AOX1: variants seen among roughly 807,000 people sequenced by gnomAD.
The protein encoded by AOX1 is aldehyde oxidase.
In AOX1, 153 loss-of-function variants were observed where a neutral mutation model predicts 169.5. The ratio of observed to expected loss-of-function variants is 0.90; its 90% CI spans 0.79 to 1.03. The LOEUF is 1.03. Among genes scored for constraint, AOX1 ranks in the 50% least tolerant of loss-of-function variants. The pLI is 0.00. For missense variants in AOX1, 1,656 were observed against 1,663.9 expected (o/e 1.00, Z 0.08); for synonymous variants, 562 against 581.9 (o/e 0.97, Z 0.49).
In AOX1 at chr2:200,603,202, C is replaced by T. The variant is rs950811268; in HGVS notation, c.499-65C>T. 23 of 1,305,660 alleles carry T rather than the reference C, an allele frequency of 1.8e-5. No individual in the cohort carries two copies. The South Asian group carries it at 2.6e-4, about 15-fold the overall frequency. 80.9% of individuals were successfully genotyped at this position (1,305,660 alleles called of 1,614,324 possible). ...GCATTATGTTTCAACTGGCATTCAC[C>T]TGCTTTATTTACTAGTTAGTAGAAT... is the stretch of plus-strand genomic sequence containing the variant. On this transcript the variant is annotated intron_variant, in intron 6 of 34. Coordinates refer to ENST00000374700, the MANE Select transcript of AOX1 (RefSeq NM_001159.4).
intron 22 of AOX1, 123 bp downstream of exon 22, chr2:200,637,167 A>G: frequency 8.3e-7 from 1 of 1,205,894 alleles, no homozygotes; most frequent in Non-Finnish European, 1.1e-6. Flanking sequence ...CAAACACACA[A>G]ACAAGCTGCC....
At chr2:200,588,097 A>G (rs1238538305) in intron 1 of AOX1, 2 of 152,452 alleles carry the variant, frequency 1.3e-5, no homozygotes, top group African/African-American at 4.8e-5. Flanking sequence ...TATAAAAAAT[A>G]AAGCACAGCG....
At chr2:200,593,562 T>G (rs530731436) in intron 2 of AOX1, among the ~76,000 whole-genome samples, 2 of 152,270 alleles carry the variant, frequency 1.3e-5, no homozygotes, top group East Asian at 3.9e-4. Flanking sequence ...AGAAGTCACC[T>G]GAAATGAAAG....
intron 20 of AOX1, among the ~76,000 whole-genome samples, chr2:200,628,176 TATACACACACAC>T (rs923911451): frequency 1.1e-4 from 16 of 152,142 alleles, no homozygotes; most frequent in African/African-American, 3.4e-4. Context: ...ATTCCCCAAT[TATACACACACAC>T]ATACACACAC....
At chr2:200,646,912 C>T (rs1253457197) in intron 25 of AOX1, among the ~76,000 whole-genome samples, 1 of 152,186 alleles carries the variant, frequency 6.6e-6, no homozygotes, top group African/African-American at 2.4e-5. Context: ...TCCATGTGCA[C>T]GAATTGCCTT....
chr2:200,670,463 C>T (rs1405451527), intron 34 of AOX1, among the ~76,000 whole-genome samples, 166 bp from the exon 35 acceptor site: 8 of 152,080 alleles, frequency 5.3e-5, no homozygotes, highest in Non-Finnish European at 1.0e-4. Context: ...CAGGACCTCT[C>T]CAGTCCTCCC....
At chr2:200,627,296 C>A in intron 19 of AOX1, 57 bp from the exon 20 acceptor site, 1 of 1,187,048 alleles carries the variant, frequency 8.4e-7, no homozygotes. Flanking sequence ...GGTGTGTCTG[C>A]TGCCCTAGGG....
At chr2:200,601,898 A>G (rs140735079) in intron 5 of AOX1, among the ~76,000 whole-genome samples, 1 of 152,192 alleles carries the variant, frequency 6.6e-6, no homozygotes, top group East Asian at 1.9e-4. Flanking sequence ...GCACCACCGC[A>G]CCTGCAGCCT....
intron 16 of AOX1, among the ~76,000 whole-genome samples, chr2:200,620,428 C>T (rs2034862390): frequency 1.3e-5 from 2 of 151,788 alleles, no homozygotes; most frequent in African/African-American, 2.4e-5. Context: ...AGGCTGGTCT[C>T]GAACTCCTGA....
chr2:200,662,900 CT>C lies in AOX1; in HGVS notation c.3476del (p.Phe1159SerfsTer15). ...ACTGGGAGAAAGGCGAAGGCCAGCC[CT>C]TCGAATACTTTGTTTATGGAGCTGC... Reference protein sequence around the residue: ...MNWEKGEGQPFEYFVYGAACS... With the variant: ...MNWEKGEGQPXEYFVYGAACS... On this transcript the variant is annotated frameshift_variant, in exon 31 of 35. Coordinates refer to ENST00000374700, the MANE Select transcript of AOX1 (RefSeq NM_001159.4). LOFTEE classifies it high-confidence loss of function. 1 of 1,614,068 alleles carries C rather than the reference CT, an allele frequency of 6.2e-7. No homozygotes were observed. The highest frequency in any genetic ancestry group is 8.5e-7 in the Non-Finnish European group (1 of 1,179,944).
chr2:200,659,363 C>T (rs1293839785), intron 28 of AOX1, 70 bp downstream of exon 28: 1 of 1,529,468 alleles, frequency 6.5e-7, no homozygotes, highest in Non-Finnish European at 8.9e-7. Flanking sequence ...GGGTGGAGCT[C>T]CAAAGATGCT....
Position 200,657,190 on chromosome 2 carries a change from ATTTT to A in AOX1, c.3171+265_3171+268del, listed in dbSNP as rs5837752. 1.1e-3 allele frequency among the ~76,000 whole-genome samples: 70 copies of A among 62,880 alleles called. 2 individuals carry two copies. Among genetic ancestry groups the A allele is most frequent in the African/African-American group, 3.2e-3 (41 of 12,642 alleles). The allele number at this position is 62,880 out of a possible 152,430, so 41.3% of individuals were successfully genotyped here. On this transcript the variant is annotated intron_variant, in intron 27 of 34. Coordinates refer to ENST00000374700, the MANE Select transcript of AOX1 (RefSeq NM_001159.4). ...AATATATATATATATATATATATAT[ATTTT>A]TTTTTTTTTTTAATTAGCAGGGCAT... is the stretch of plus-strand genomic sequence containing the variant.
At chr2:200,667,724 CAGAG>C (rs1356100217) in intron 32 of AOX1, among the ~76,000 whole-genome samples, 1 of 147,874 alleles carries the variant, frequency 6.8e-6, no homozygotes. Context: ...AGGAGGGAGT[CAGAG>C]AGCAGAAGAG....
chr2:200,672,302 T>A (rs1013592255), downstream of AOX1, among the ~76,000 whole-genome samples: 1 of 152,222 alleles, frequency 6.6e-6, no homozygotes, highest in Non-Finnish European at 1.5e-5. Context: ...CCTCAATTTT[T>A]AAAAAAGTAT....
intron 16 of AOX1, 106 bp downstream of exon 16, chr2:200,616,169 C>A: frequency 2.5e-6 from 2 of 785,314 alleles, no homozygotes; most frequent in East Asian, 2.7e-5. Context: ...TAAGTCCAAG[C>A]TCCACTTCTG....
intron 1 of AOX1, among the ~76,000 whole-genome samples, chr2:200,587,280 C>G (rs2034058393): frequency 6.6e-6 from 1 of 152,032 alleles, no homozygotes; most frequent in Non-Finnish European, 1.5e-5. Context: ...AGAGTGAGAT[C>G]CTATTTCTTA....
chr2:200,617,887 T>C (rs574789063), intron 16 of AOX1, among the ~76,000 whole-genome samples: 17 of 152,318 alleles, frequency 1.1e-4, no homozygotes, highest in African/African-American at 4.1e-4. Context: ...ATCTGCAACA[T>C]ATGAAAAACC....
chr2:200,603,270 T>C lies in AOX1; in HGVS notation c.502T>C (p.Ser168Pro). The stretch of plus-strand genomic sequence containing the variant: ...TGATTTGTTTTTTGTCCACTAGACT[T>C]CGGGCTGCTGTCAAAGTAAAGAAAA... ...IDACKTFCKTSGCCQSKENGV... is the reference protein window; with the variant it reads ...IDACKTFCKTPGCCQSKENGV... Residue 168 changes from serine to proline, a missense_variant, in exon 7 of 35, where the codon TCG (serine) becomes CCG (proline). Transcript: ENST00000374700. The C allele has an allele frequency of 6.2e-7, 1 of 1,613,830 alleles. No homozygotes were observed. Among genetic ancestry groups the C allele is most frequent in the Non-Finnish European group, 8.5e-7 (1 of 1,179,792 alleles).
At position 200,659,258 on chromosome 2, in the gene AOX1, T is replaced by C. The variant is rs531382479; in HGVS notation, c.3265T>C (p.Ser1089Pro). Residue 1089 changes from serine to proline, a missense_variant, in exon 28 of 35, where the codon TCT becomes CCT. By Grantham distance (74) the Ser-to-Pro change is moderately conservative (BLOSUM62 -1). Coordinates refer to ENST00000374700, the MANE Select transcript of AOX1 (RefSeq NM_001159.4). ...TVPNANISGG[S>P]VVADLNGLAV... ...CCCTAATGCAAATATCTCTGGAGGT[T>C]CTGTGGTGGCAGATCTCAACGGTTT... 32 of 1,613,740 alleles carry C rather than the reference T, an allele frequency of 2.0e-5. No individual in the cohort carries two copies. The South Asian group carries it at 3.3e-4, about 17-fold the overall frequency.
Sources: gnomAD v4.1 joint callset for allele counts (sites outside exome capture counted in the v4.1 genomes callset) on GRCh38, gnomAD v4.1.1 for gene constraint, MANE v1.5 for transcripts, NCBI Gene and HGNC (gene_info 2026-07-23, HGNC 2026-07-21) for gene names.